PRAM1: variants seen among roughly 807,000 people sequenced by gnomAD.
PRAM1 encodes the protein PML-RARA regulated adaptor molecule 1.
PRAM1 carries 41 observed loss-of-function variants against 55.3 expected under a neutral mutation model. The ratio of observed to expected loss-of-function variants is 0.74; its 90% CI spans 0.58 to 0.96. The LOEUF (loss-of-function observed/expected upper bound fraction) is 0.96, where lower values mean the gene tolerates loss of function less well. Among genes scored for constraint, PRAM1 ranks in the 40% least tolerant of loss-of-function variants. PRAM1 has a pLI of 0.00. For missense variants in PRAM1, 898 were observed against 892.7 expected, an observed-to-expected ratio of 1.01 and a Z score of -0.08; for synonymous variants, 401 against 387.1, an observed-to-expected ratio of 1.04 and a Z score of -0.42.
Position 8,499,796 on chromosome 19 carries a change from C to G in PRAM1, c.28-16G>C, listed in dbSNP as rs765721072. 20 of 1,569,974 alleles carry G rather than the reference C, an allele frequency of 1.3e-5. No individual in the cohort carries two copies. In the South Asian group the frequency reaches 2.2e-4, roughly 17 times the overall value. ...GATGGCTCTCCTAGGAGACGCAGAG[C>G]CAATGAGGCAGGGGCTCAAACACAC... is the stretch of plus-strand genomic sequence containing the variant. On this transcript the variant is annotated splice_polypyrimidine_tract_variant and intron_variant, in intron 1 of 9. Transcript: ENST00000423345.
chr19:8,494,521 G>A (rs1009153256), intron 4 of PRAM1, among the ~76,000 whole-genome samples: 14 of 152,336 alleles, frequency 9.2e-5, no homozygotes, highest in Admixed American at 1.3e-4. Flanking sequence ...CACCTTAGAA[G>A]CTCAAGCTCT....
At chr19:8,496,532 C>A (rs1971701641) in intron 4 of PRAM1, among the ~76,000 whole-genome samples, 1 of 151,534 alleles carries the variant, frequency 6.6e-6, no homozygotes, top group African/African-American at 2.4e-5. Flanking sequence ...TGAGACCAGC[C>A]TAGCCAACAT....
chr19:8,491,264 TG>T (rs747019075), intron 4 of PRAM1, 107 bp from the exon 5 acceptor site: 5 of 1,212,238 alleles, frequency 4.1e-6, no homozygotes, highest in Non-Finnish European at 5.9e-6. Context: ...GACGAAGTCT[TG>T]CTCTGTCACC....
chr19:8,495,106 AT>A (rs1035651224), intron 4 of PRAM1, among the ~76,000 whole-genome samples: 45 of 137,110 alleles, frequency 3.3e-4, no homozygotes, highest in Non-Finnish European at 3.8e-4. Context: ...TGCCCGACTC[AT>A]TTTTTTTTTT....
chr19:8,502,474 C>T, intron 1 of PRAM1, 91 bp downstream of exon 1: 2 of 504,080 alleles, frequency 4.0e-6, no homozygotes, highest in Non-Finnish European at 7.3e-6. Context: ...GCCCCCCCGC[C>T]CGCCCCTCCA....
rs755711735 is a variant in PRAM1, at chr19:8,502,586, G to A, written c.6C>T (p.Ala2=). The change falls in exon 1 of 10, where the codon GCC becomes GCT. Residue 2 remains alanine, a synonymous_variant. Transcript: ENST00000423345. The part of the protein sequence containing the change: M[A]HHLPAAMESH... ...TCACCATGGCTGCAGGCAGGTGATG[G>A]GCCATGGGATGAGTGGGACCCGAGC... 1.9e-6 allele frequency: 3 copies of A among 1,551,574 alleles called. No individual in the cohort carries two copies. Among genetic ancestry groups the A allele is most frequent in the Non-Finnish European group, 2.6e-6 (3 of 1,148,842 alleles).
At chr19:8,496,424 A>ATTTTATT (rs1324426378) in intron 4 of PRAM1, among the ~76,000 whole-genome samples, 11 of 152,014 alleles carry the variant, frequency 7.2e-5, no homozygotes, top group African/African-American at 2.4e-4. Context: ...CTCCAAAAAA[A>ATTTTATT]TAAAAAATAA....
chr19:8,491,293 GC>G (rs776462970), intron 4 of PRAM1, 136 bp from the exon 5 acceptor site: 256 of 900,478 alleles, frequency 2.8e-4, no homozygotes, highest in Middle Eastern at 2.3e-3. Flanking sequence ...GAGTGCAATG[GC>G]ACAATCTCGG....
rs1268936829 is a variant in PRAM1 at position 8,490,668 on chromosome 19, C to T, written c.1832G>A (p.Arg611Gln). The stretch of plus-strand genomic sequence containing the variant: ...GATCACCTCCAGGATCTCCCCGCGC[C>T]GGATCCCGAGGTGCTTGCCACCCCC... ...RRGGGKHLGI[R>Q]RGEILEVIEF... The change falls in exon 7 of 10, where the codon CGG becomes CAG. Residue 611 changes from arginine to glutamine, a missense_variant. This residue lies in a region of PRAM1 where 787 missense variants were observed against 735.4 expected (regional missense o/e 1.07). Transcript: ENST00000423345. This position sits in a 1 kb window ranked among gnomAD's most constrained non-coding sequence, Gnocchi z 7.3. 7.5e-6 allele frequency: 12 copies of T among 1,595,256 alleles called. No homozygotes were observed. The highest frequency in any genetic ancestry group is 2.3e-5 in the East Asian group (1 of 43,778).
At chr19:8,491,586 A>C in intron 4 of PRAM1, 1 of 225,276 alleles carries the variant, frequency 4.4e-6, no homozygotes, top group Non-Finnish European at 8.9e-6. Flanking sequence ...GACTCCCCAA[A>C]TCCCACCAGG....
In PRAM1 at chr19:8,493,963, A is replaced by G. The variant is rs1215189745; in HGVS notation, c.1577-2806T>C. ...CAGGTGTGCAACACCATGTCCAACT[A>G]ATTTTTGTATTTTTAGTAGAGACGG... On this transcript the variant is annotated intron_variant, in intron 4 of 9. Coordinates refer to ENST00000423345, the MANE Select transcript of PRAM1 (RefSeq NM_032152.5). The surrounding 1 kb of genome is among the most constrained non-coding windows in gnomAD (Gnocchi z 4.1). Among the ~76,000 whole-genome samples, 3 of 151,824 alleles carry G rather than the reference A, an allele frequency of 2.0e-5. No homozygotes were observed.
chr19:8,498,943 C>T lies in PRAM1; in HGVS notation c.865G>A (p.Glu289Lys). The change falls in exon 2 of 10, where the codon GAG (glutamate) becomes AAG (lysine). Residue 289 changes from glutamate to lysine, a missense_variant. This residue lies in a region of PRAM1 where 787 missense variants were observed against 735.4 expected (regional missense o/e 1.07). Coordinates refer to ENST00000423345, the MANE Select transcript of PRAM1 (RefSeq NM_032152.5). Reference sequence around the variant, plus strand: ...GAGGTCCTGGTGAGGTCCCCAAGCTCAGGCTGCGGAGGCTTCTTGGGAAAG... The same window carrying T: ...GAGGTCCTGGTGAGGTCCCCAAGCTTAGGCTGCGGAGGCTTCTTGGGAAAG... ...SDFPKKPPQPELGDLTRTSSE... is the reference protein window; with the variant it reads ...SDFPKKPPQPKLGDLTRTSSE... 1 of 1,613,876 alleles carries T rather than the reference C, an allele frequency of 6.2e-7. No homozygotes were observed.
At position 8,499,669 on chromosome 19, in the gene PRAM1, A is replaced by G; in HGVS notation, c.139T>C (p.Phe47Leu). ...TGCTCGCTTAGCTCAGGCTGGGAGA[A>G]CTTCTTCAGTTTACCAAACTCAGGC... ...PKPEFGKLKK[F>L]SQPELSEHPK... The change falls in exon 2 of 10, where the codon TTC (phenylalanine) becomes CTC (leucine). Residue 47 changes from phenylalanine to leucine, a missense_variant. This residue lies in a region of PRAM1 where 79 missense variants were observed against 93.4 expected (regional missense o/e 0.85). Coordinates refer to ENST00000423345, the MANE Select transcript of PRAM1 (RefSeq NM_032152.5). 6.2e-7 allele frequency: 1 copy of G among 1,613,570 alleles called. No individual in the cohort carries two copies. The highest frequency in any genetic ancestry group is 1.1e-5 in the South Asian group (1 of 91,058).
chr19:8,490,244 C>T lies in PRAM1; in HGVS notation c.1976-18G>A, dbSNP rs1971591270. The stretch of plus-strand genomic sequence containing the variant: ...CAGGGGATCTGCCGAGGAAGCGTGA[C>T]TTCCATGGACCCCTCTCCCCAGAAG... On this transcript the variant is annotated intron_variant, in intron 9 of 9. Transcript: ENST00000423345. This position sits in a 1 kb window ranked among gnomAD's most constrained non-coding sequence, Gnocchi z 7.3. 3 of 1,608,966 alleles carry T rather than the reference C, an allele frequency of 1.9e-6. No individual in the cohort carries two copies. The highest frequency in any genetic ancestry group is 2.5e-6 in the Non-Finnish European group (3 of 1,176,852).
Position 8,499,629 on chromosome 19 carries a change from G to A in PRAM1, c.179C>T (p.Pro60Leu), listed in dbSNP as rs199916444. 16 of 1,613,390 alleles carry A rather than the reference G, an allele frequency of 9.9e-6. 1 individual carries two copies. In the African/African-American group the frequency reaches 1.3e-4, roughly 13 times the overall value. Residue 60 changes from proline (P) to leucine (L), a missense_variant, in exon 2 of 10, where the codon CCG becomes CTG. Around this residue, in one of 4 missense-constraint regions of PRAM1, gnomAD observed 79 missense variants for 93.4 expected, o/e 0.85. Transcript: ENST00000423345. Reference sequence around the variant, plus strand: ...GGACACTGCACCAAACTCAGGCAGCGGGGCCTTCTTGGGGTGCTCGCTTAG... The same window carrying A: ...GGACACTGCACCAAACTCAGGCAGCAGGGCCTTCTTGGGGTGCTCGCTTAG... ...PELSEHPKKA[P>L]LPEFGAVSLK... is the part of the protein sequence containing the mutation.
At position 8,498,480 on chromosome 19, in the gene PRAM1, G is replaced by A. The variant is rs779850880; in HGVS notation, c.1328C>T (p.Pro443Leu). The A allele has an allele frequency of 4.4e-6, 7 of 1,590,484 alleles. No individual in the cohort carries two copies. The highest frequency in any genetic ancestry group is 6.0e-6 in the Non-Finnish European group (7 of 1,168,280). The change falls in exon 2 of 10, where the codon CCT becomes CTT. Residue 443 changes from proline (P) to leucine (L), a missense_variant. By Grantham distance (98) the Pro-to-Leu change is moderately conservative. Transcript: ENST00000423345. ...LRPSHPPRRRPLPPASSLGHP... is the reference protein window; with the variant it reads ...LRPSHPPRRRLLPPASSLGHP... ...TCCCAGGCTGCTGGCAGGGGGCAGAGGCCTCCGCCGGGGTGGATGGCTGGG... is the reference window on the plus strand; with the variant it reads ...TCCCAGGCTGCTGGCAGGGGGCAGAAGCCTCCGCCGGGGTGGATGGCTGGG...
intron 4 of PRAM1, chr19:8,491,606 A>C: frequency 9.9e-6 from 2 of 202,790 alleles, no homozygotes; most frequent in Non-Finnish European, 1.0e-5. Flanking sequence ...GTCCCCTCCC[A>C]AACCTCTCCC....
chr19:8,490,785 T>C lies in PRAM1; in HGVS notation c.1744-29A>G. ...GGGCGCGAGATGTTAGGGCCTCTGC[T>C]TGTGCTGCCGCCCTTGGGCCCCTGT... On this transcript the variant is annotated intron_variant, in intron 6 of 9. Coordinates refer to ENST00000423345, the MANE Select transcript of PRAM1 (RefSeq NM_032152.5). The surrounding 1 kb of genome is among the most constrained non-coding windows in gnomAD (Gnocchi z 7.3). The C allele has an allele frequency of 6.2e-7, 1 of 1,606,920 alleles. No individual in the cohort carries two copies. Among genetic ancestry groups the C allele is most frequent in the South Asian group, 1.1e-5 (1 of 91,070 alleles).
rs935242302 is a variant in PRAM1 at position 8,493,672 on chromosome 19, C to T, written c.1577-2515G>A. On this transcript the variant is annotated intron_variant, in intron 4 of 9. Transcript: ENST00000423345. This position sits in a 1 kb window ranked among gnomAD's most constrained non-coding sequence, Gnocchi z 4.1. ...CTGCCACTGCTCCAAGTAAGGCAGA[C>T]AGTGGGAAAGGGGAGTCCAGAGTCC... Among the ~76,000 whole-genome samples the T allele has an allele frequency of 3.3e-5, 5 of 152,186 alleles. No individual in the cohort carries two copies. The highest frequency in any genetic ancestry group is 1.3e-4 in the Admixed American group (2 of 15,276).
Sources: gnomAD v4.1 joint callset for allele counts (sites outside exome capture counted in the v4.1 genomes callset) on GRCh38, gnomAD v4.1.1 for gene constraint, gnomAD v4.1.1 regional missense constraint, Gnocchi (gnomAD v3.1) non-coding constraint, MANE v1.5 for transcripts, NCBI Gene and HGNC (gene_info 2026-07-23, HGNC 2026-07-21) for gene names.